AUH: variants seen among roughly 807,000 people sequenced by gnomAD.
AUH encodes the protein methylglutaconyl-CoA hydratase, mitochondrial.
Under a neutral mutation model 42.3 loss-of-function variants are expected in AUH, and 29 were observed. The ratio of observed to expected loss-of-function variants is 0.69; its 90% CI spans 0.51 to 0.93. AUH has a LOEUF of 0.93. AUH is among the 40% of genes least tolerant of loss of function. The pLI, the probability that AUH is intolerant of heterozygous loss-of-function variation, is 0.00. For synonymous variants in AUH, 174 were observed against 166.4 expected (o/e 1.05, Z -0.35); for missense variants, 452 against 438.1 (o/e 1.03, Z -0.28).
At chr9:91,214,771 C>T (rs1008356357) in intron 9 of AUH, among the ~76,000 whole-genome samples, 4 of 152,176 alleles carry the variant, frequency 2.6e-5, no homozygotes, top group African/African-American at 9.7e-5. Flanking sequence ...ATTCAAAATA[C>T]TTTATAATTC....
In AUH at chr9:91,356,113, G is replaced by A. The variant is rs368115216; in HGVS notation, c.305C>T (p.Ser102Leu). ...CATTTTTATAAGATTTTTACTGAGTGAATTTTTGCCATAAGCTCTGTTTAT... is the reference window on the plus strand; with the variant it reads ...CATTTTTATAAGATTTTTACTGAGTAAATTTTTGCCATAAGCTCTGTTTAT... ...LGINRAYGKN[S>L]LSKNLIKMLS... Residue 102 changes from serine to leucine, a missense_variant, in exon 2 of 10, where the codon TCA becomes TTA. Coordinates refer to ENST00000375731, the MANE Select transcript of AUH (RefSeq NM_001698.3). The A allele has an allele frequency of 6.2e-6, 10 of 1,613,500 alleles. No individual in the cohort carries two copies. The highest frequency in any genetic ancestry group is 1.3e-5 in the African/African-American group (1 of 74,868).
At chr9:91,237,402 C>T (rs142262330) in intron 6 of AUH, among the ~76,000 whole-genome samples, 7 of 152,254 alleles carry the variant, frequency 4.6e-5, no homozygotes, top group South Asian at 2.1e-4. Context: ...AAGCCACAGA[C>T]AAAGTAAGAG....
chr9:91,341,131 T>C (rs1004061376), intron 3 of AUH, among the ~76,000 whole-genome samples: 2 of 152,208 alleles, frequency 1.3e-5, no homozygotes, highest in Admixed American at 1.3e-4. Context: ...ACCAAAGTTC[T>C]AGAGCTGAAT....
intron 6 of AUH, among the ~76,000 whole-genome samples, chr9:91,278,968 A>G (rs1291175530): frequency 2.0e-5 from 3 of 152,324 alleles, no homozygotes; most frequent in East Asian, 1.9e-4. Flanking sequence ...ATCTTCAGTG[A>G]CAGAAAGCAG....
At chr9:91,345,615 C>T (rs1405202279) in intron 3 of AUH, among the ~76,000 whole-genome samples, 2 of 151,834 alleles carry the variant, frequency 1.3e-5, no homozygotes, top group African/African-American at 2.4e-5. Flanking sequence ...AGGTGGATCA[C>T]GAGATCAGGA....
At chr9:91,264,719 C>G (rs1339037215) in intron 6 of AUH, among the ~76,000 whole-genome samples, 1 of 152,158 alleles carries the variant, frequency 6.6e-6, no homozygotes, top group Non-Finnish European at 1.5e-5. Context: ...GAGTTTGAGA[C>G]TGAGAACAGC....
chr9:91,313,229 G>C (rs1025316152), intron 4 of AUH, among the ~76,000 whole-genome samples: 73 of 152,174 alleles, frequency 4.8e-4, no homozygotes, highest in African/African-American at 1.7e-3. Context: ...TTTTGCAGGA[G>C]TGACTATATC....
intron 6 of AUH, among the ~76,000 whole-genome samples, chr9:91,255,168 T>C (rs1274050926): frequency 6.6e-6 from 1 of 152,212 alleles, no homozygotes; most frequent in Non-Finnish European, 1.5e-5. Flanking sequence ...ATGTATATAT[T>C]AGTATCAGAG....
intron 5 of AUH, 108 bp from the exon 6 acceptor site, chr9:91,296,185 A>T: frequency 9.3e-7 from 1 of 1,078,370 alleles, no homozygotes; most frequent in Non-Finnish European, 1.4e-6. Flanking sequence ...AATTAAATTG[A>T]TATCACAAAT....
chr9:91,298,093 A>C lies in AUH; in HGVS notation c.506-17T>G. 6.4e-7 allele frequency: 1 copy of C among 1,572,050 alleles called. No homozygotes were observed. Among genetic ancestry groups the C allele is most frequent in the Non-Finnish European group, 8.8e-7 (1 of 1,141,914 alleles). ...GAAGATTAGCTGAAATGGAAAGAAA[A>C]TTTTATGCTTCCTTAATAAGATTAT... On this transcript the variant is annotated splice_polypyrimidine_tract_variant and intron_variant, in intron 4 of 9. Transcript: ENST00000375731.
intron 1 of AUH, among the ~76,000 whole-genome samples, chr9:91,360,108 T>C (rs924052741): frequency 2.0e-5 from 3 of 152,200 alleles, no homozygotes; most frequent in Non-Finnish European, 4.4e-5. Context: ...AGATCCTAAC[T>C]TAAAGTCTGT....
At chr9:91,270,641 C>T (rs1825045967) in intron 6 of AUH, among the ~76,000 whole-genome samples, 1 of 152,002 alleles carries the variant, frequency 6.6e-6, no homozygotes, top group South Asian at 2.1e-4. Context: ...GCTTGTGCTG[C>T]ACCTAGAATC....
At chr9:91,281,945 T>G (rs1825995299) in intron 6 of AUH, among the ~76,000 whole-genome samples, 1 of 152,040 alleles carries the variant, frequency 6.6e-6, no homozygotes, top group Non-Finnish European at 1.5e-5. Context: ...CCTTCAAATA[T>G]CTAAGAGCAT....
chr9:91,246,023 G>A (rs1828773857), intron 6 of AUH, among the ~76,000 whole-genome samples: 2 of 152,210 alleles, frequency 1.3e-5, no homozygotes, highest in Admixed American at 1.3e-4. Context: ...AGCAAAGGGT[G>A]TGTCTCACAG....
intron 6 of AUH, among the ~76,000 whole-genome samples, chr9:91,277,693 T>C (rs1564057916): frequency 6.6e-6 from 1 of 152,196 alleles, no homozygotes; most frequent in South Asian, 2.1e-4. Flanking sequence ...TTTTCCCTAT[T>C]GTTTGAATCA....
At chr9:91,314,716 G>A (rs1015751886) in intron 4 of AUH, among the ~76,000 whole-genome samples, 17 of 151,882 alleles carry the variant, frequency 1.1e-4, no homozygotes, top group South Asian at 2.1e-4. Flanking sequence ...CTCAATAGCC[G>A]CCATTAGGCT....
chr9:91,352,891 T>C (rs1832098043), intron 3 of AUH, among the ~76,000 whole-genome samples: 1 of 152,164 alleles, frequency 6.6e-6, no homozygotes, highest in South Asian at 2.1e-4. Flanking sequence ...GAGGAGTTCC[T>C]ATGCTCAAGA....
intron 6 of AUH, among the ~76,000 whole-genome samples, chr9:91,225,024 G>A (rs115803138): frequency 0.012 from 1,756 of 152,156 alleles, 38 homozygotes; most frequent in African/African-American, 0.04. Context: ...AAATATCTCC[G>A]GAATAGTTAC....
intron 4 of AUH, among the ~76,000 whole-genome samples, chr9:91,318,689 A>G (rs996482795): frequency 2.0e-5 from 3 of 152,216 alleles, no homozygotes; most frequent in African/African-American, 7.2e-5. Flanking sequence ...TGGGCCCAAG[A>G]TGGTGCTGGC....
Sources: gnomAD v4.1 joint callset for allele counts (sites outside exome capture counted in the v4.1 genomes callset) on GRCh38, gnomAD v4.1.1 for gene constraint, MANE v1.5 for transcripts, NCBI Gene and HGNC (gene_info 2026-07-23, HGNC 2026-07-21) for gene names.